Variants in COP1 observed in about 807,000 individuals in gnomAD.
The protein encoded by COP1 is E3 ubiquitin-protein ligase COP1.
Under a neutral mutation model 101.3 loss-of-function variants are expected in COP1, and 24 were observed. The observed-to-expected ratio is 0.24, with a 90% confidence interval of 0.17 to 0.33. COP1 has a LOEUF of 0.33. COP1 is among the 10% of genes least tolerant of loss of function. COP1 has a pLI of 1.00. For synonymous variants in COP1, 347 were observed against 341.9 expected (o/e 1.01, Z -0.17); for missense variants, 663 against 906.2 (o/e 0.73, Z 3.45).
At position 176,043,293 on chromosome 1, in the gene COP1, C is replaced by G. The variant is rs773179750; in HGVS notation, c.1531-26G>C. The G allele has an allele frequency of 1.6e-5, 22 of 1,407,640 alleles. No homozygotes were observed. The South Asian group carries it at 2.6e-4, about 17-fold the overall frequency. The allele number at this position is 1,407,640 out of a possible 1,614,324, so 87.2% of individuals were successfully genotyped here. A position where few individuals can be genotyped will look rare whatever the true frequency, so the allele number is the denominator to read the frequency against. ...CTGGAAGCAGAAAGAAGACAGTAGC[C>G]TCAGATAGAATACAGATCTCAAAAT... On this transcript the variant is annotated intron_variant, in intron 13 of 19. Transcript: ENST00000367669.
At chr1:176,125,467 A>T (rs951906305) in intron 8 of COP1, among the ~76,000 whole-genome samples, 1 of 152,294 alleles carries the variant, frequency 6.6e-6, no homozygotes, top group African/African-American at 2.4e-5. Context: ...TCCAAGCACC[A>T]TTTATTTAAG....
intron 14 of COP1, among the ~76,000 whole-genome samples, chr1:176,039,899 A>G (rs1482966520): frequency 1.3e-5 from 2 of 152,212 alleles, no homozygotes; most frequent in East Asian, 3.8e-4. Context: ...TCATATTACA[A>G]AAATTAACTC....
chr1:176,189,550 G>C (rs1490016232), intron 1 of COP1, among the ~76,000 whole-genome samples: 1 of 151,838 alleles, frequency 6.6e-6, no homozygotes, highest in African/African-American at 2.4e-5. Flanking sequence ...AAATTTAAGA[G>C]AATTTGCTGC....
intron 5 of COP1, among the ~76,000 whole-genome samples, chr1:176,150,953 G>GA (rs1457247508): frequency 6.6e-6 from 1 of 151,876 alleles, no homozygotes. Context: ...AAATATGAAG[G>GA]AAAATTATAA....
At chr1:176,087,953 T>C (rs909017782) in intron 9 of COP1, among the ~76,000 whole-genome samples, 1 of 152,166 alleles carries the variant, frequency 6.6e-6, no homozygotes, top group Non-Finnish European at 1.5e-5. Flanking sequence ...ATGTCCTTTG[T>C]AGCGACATGG....
chr1:176,060,789 T>C (rs575867276), intron 11 of COP1, among the ~76,000 whole-genome samples: 24 of 152,202 alleles, frequency 1.6e-4, no homozygotes, highest in African/African-American at 5.5e-4. Context: ...TAAAAATGTG[T>C]CCCCAAAATA....
intron 8 of COP1, among the ~76,000 whole-genome samples, chr1:176,123,220 C>T (rs1372915492): frequency 6.6e-6 from 1 of 151,898 alleles, no homozygotes; most frequent in Admixed American, 6.6e-5. Flanking sequence ...AGAAGCATTC[C>T]AAAAACAATT....
chr1:176,073,971 T>C (rs1226089827), intron 11 of COP1, among the ~76,000 whole-genome samples: 1 of 152,164 alleles, frequency 6.6e-6, no homozygotes, highest in Non-Finnish European at 1.5e-5. Context: ...CAGAGTCTCA[T>C]TCTGTTGCCC....
rs185636683 is a variant in COP1, at chr1:176,039,233, G to A, written c.1612+3953C>T. ...CACATACATCAAAAAAGGAATCTCA[G>A]GGGAAATTTAAAATATTCAGAACTA... is the stretch of plus-strand genomic sequence containing the variant. On this transcript the variant is annotated intron_variant, in intron 14 of 19. Transcript: ENST00000367669. Among the ~76,000 whole-genome samples, 29 of 152,156 alleles carry A rather than the reference G, an allele frequency of 1.9e-4. No homozygotes were observed. In the East Asian group the frequency reaches 4.8e-3, roughly 25 times the overall value.
intron 14 of COP1, among the ~76,000 whole-genome samples, chr1:176,030,303 C>T (rs893255633): frequency 1.3e-5 from 2 of 152,112 alleles, no homozygotes; most frequent in African/African-American, 4.8e-5. Flanking sequence ...CCGAACATAG[C>T]ACTTAAAGAT....
chr1:176,195,998 A>G (rs1699644210), intron 1 of COP1, among the ~76,000 whole-genome samples: 1 of 152,240 alleles, frequency 6.6e-6, no homozygotes, highest in African/African-American at 2.4e-5. Context: ...AAACCTGTGC[A>G]TGTACAGGTA....
At chr1:176,148,862 T>C (rs937845557) in intron 6 of COP1, 144 bp downstream of exon 6, 13 of 550,030 alleles carry the variant, frequency 2.4e-5, no homozygotes, top group Admixed American at 3.8e-5. Context: ...GAAGTTAAAA[T>C]AACAAATCTT....
At chr1:176,157,039 A>C (rs1693562779) in intron 5 of COP1, among the ~76,000 whole-genome samples, 1 of 152,060 alleles carries the variant, frequency 6.6e-6, no homozygotes, top group African/African-American at 2.4e-5. Flanking sequence ...CTCTACCAAA[A>C]ATATAAAAAT....
At chr1:176,141,273 G>A (rs1028677162) in intron 6 of COP1, among the ~76,000 whole-genome samples, 6 of 152,138 alleles carry the variant, frequency 3.9e-5, no homozygotes, top group Non-Finnish European at 5.9e-5. Flanking sequence ...AGGCTGAGGC[G>A]GGCAGATCAC....
chr1:175,980,248 T>C (rs976390676), intron 18 of COP1, among the ~76,000 whole-genome samples: 1 of 121,334 alleles, frequency 8.2e-6, no homozygotes, highest in Non-Finnish European at 1.9e-5. Context: ...ATGTCTTTTT[T>C]TGAGGAGTCT....
intron 11 of COP1, among the ~76,000 whole-genome samples, chr1:176,060,842 T>C (rs564478892): frequency 6.6e-6 from 1 of 152,312 alleles, no homozygotes; most frequent in South Asian, 2.1e-4. Context: ...ACCCATTTTG[T>C]GTTTCTTATA....
At chr1:175,979,028 G>A (rs1489270745) in intron 18 of COP1, among the ~76,000 whole-genome samples, 1 of 152,100 alleles carries the variant, frequency 6.6e-6, no homozygotes, top group Admixed American at 6.5e-5. Context: ...AACTGTTTCT[G>A]CTAGCAGATG....
chr1:176,027,366 G>A (rs1045588540), intron 15 of COP1, among the ~76,000 whole-genome samples: 5 of 151,982 alleles, frequency 3.3e-5, no homozygotes, highest in South Asian at 2.1e-4. Flanking sequence ...TCATATCTAC[G>A]TATTAAAGAT....
intron 15 of COP1, among the ~76,000 whole-genome samples, chr1:176,009,956 C>T (rs7536464): frequency 0.86 from 129,420 of 149,792 alleles, 57,938 homozygotes; most frequent in Non-Finnish European, 0.98. Flanking sequence ...ATTGCCATAA[C>T]TGAAAAAGTA....
Sources: allele counts gnomAD v4.1 joint callset (sites outside exome capture counted in the v4.1 genomes callset), GRCh38; gene constraint gnomAD v4.1.1; transcripts MANE v1.5; gene names NCBI Gene and HGNC (gene_info 2026-07-23, HGNC 2026-07-21).